Variants in LRFN5 observed in about 807,000 individuals in gnomAD.
The protein encoded by LRFN5 is leucine-rich repeat and fibronectin type-III domain-containing protein 5.
Under a neutral mutation model 45.6 loss-of-function variants are expected in LRFN5, and 24 were observed. The observed-to-expected ratio is 0.53, with a 90% CI of 0.38 to 0.74. The LOEUF (loss-of-function observed/expected upper bound fraction) is 0.74, where lower values mean the gene tolerates loss of function less well. LRFN5 is among the 30% of genes least tolerant of loss of function. LRFN5 has a pLI of 0.00. For missense variants in LRFN5, 776 were observed against 861.5 expected (o/e 0.90, Z 1.24); for synonymous variants, 340 against 313.8 (o/e 1.08, Z -0.88).
At chr14:41,818,383 TG>T (rs1887992522) in intron 2 of LRFN5, among the ~76,000 whole-genome samples, 2 of 152,044 alleles carry the variant, frequency 1.3e-5, no homozygotes, top group South Asian at 4.1e-4. Flanking sequence ...TGGCTTTTAA[TG>T]GGGGACTAAA....
chr14:41,826,504 A>G (rs1888300277), intron 2 of LRFN5, among the ~76,000 whole-genome samples: 1 of 152,138 alleles, frequency 6.6e-6, no homozygotes. Context: ...TACCATAACT[A>G]TCTCAGCTGT....
At chr14:41,884,671 A>G (rs1566503621) in intron 2 of LRFN5, among the ~76,000 whole-genome samples, 1 of 152,054 alleles carries the variant, frequency 6.6e-6, no homozygotes, top group Non-Finnish European at 1.5e-5. Context: ...CCCTCCCCTT[A>G]ACGATCTCCA....
At chr14:41,685,280 C>G (rs1329068547) in intron 1 of LRFN5, among the ~76,000 whole-genome samples, 1 of 152,106 alleles carries the variant, frequency 6.6e-6, no homozygotes, top group African/African-American at 2.4e-5. Flanking sequence ...TATTATCTGG[C>G]AATCTCATTG....
chr14:41,849,494 T>C (rs1025402591), intron 2 of LRFN5, among the ~76,000 whole-genome samples: 1 of 151,706 alleles, frequency 6.6e-6, no homozygotes, highest in Non-Finnish European at 1.5e-5. Context: ...CAGACTGCAC[T>C]GCAATTACTG....
rs942617889 is a variant in LRFN5, at chr14:41,757,918, G to C, written c.-196-8936G>C. ...TGGCTCCAGAAGAATGTCATTTTTGGTACCCATATAGAGTGAGCTATCAGA... is the reference window on the plus strand; with the variant it reads ...TGGCTCCAGAAGAATGTCATTTTTGCTACCCATATAGAGTGAGCTATCAGA... On this transcript the variant is annotated intron_variant, in intron 1 of 5. Transcript: ENST00000298119. Among the ~76,000 whole-genome samples, 4 of 151,982 alleles carry C rather than the reference G, an allele frequency of 2.6e-5. No homozygotes were observed. In the East Asian group the frequency reaches 7.8e-4, roughly 29 times the overall value.
At chr14:41,840,443 C>T (rs1260768615) in intron 2 of LRFN5, among the ~76,000 whole-genome samples, 1 of 151,966 alleles carries the variant, frequency 6.6e-6, no homozygotes, top group African/African-American at 2.4e-5. Context: ...GGAATGACTT[C>T]TGTTATTATT....
chr14:41,857,758 C>G (rs1026646849), intron 2 of LRFN5, among the ~76,000 whole-genome samples: 3 of 152,080 alleles, frequency 2.0e-5, no homozygotes, highest in Non-Finnish European at 4.4e-5. Flanking sequence ...CTAGAAGTCT[C>G]AAAAAATGTT....
intron 5 of LRFN5, among the ~76,000 whole-genome samples, chr14:41,901,940 T>C (rs980074048): frequency 3.3e-5 from 5 of 152,042 alleles, no homozygotes; most frequent in African/African-American, 1.2e-4. Flanking sequence ...AATTAAAGCA[T>C]GTTTTTAACA....
At chr14:41,892,134 G>A (rs1890808096) in intron 4 of LRFN5, 172 bp downstream of exon 4, 1 of 985,242 alleles carries the variant, frequency 1.0e-6, no homozygotes, top group South Asian at 4.7e-5. Flanking sequence ...TGTTCTGATG[G>A]TCATAGTGGA....
At chr14:41,862,692 T>C (rs1397942402) in intron 2 of LRFN5, among the ~76,000 whole-genome samples, 1 of 152,146 alleles carries the variant, frequency 6.6e-6, no homozygotes, top group African/African-American at 2.4e-5. Context: ...TATCTATAAT[T>C]GACAACTTTA....
intron 1 of LRFN5, among the ~76,000 whole-genome samples, chr14:41,663,590 T>C (rs1398102646): frequency 6.6e-6 from 1 of 152,006 alleles, no homozygotes; most frequent in African/African-American, 2.4e-5. Flanking sequence ...GGAATCTCAT[T>C]TTCCTCCGTG....
intron 3 of LRFN5, among the ~76,000 whole-genome samples, chr14:41,889,023 A>G (rs947187857): frequency 6.7e-6 from 1 of 149,862 alleles, no homozygotes. Context: ...GTGTGTGTAT[A>G]TATACACATG....
At chr14:41,866,921 A>G (rs747204898) in intron 2 of LRFN5, among the ~76,000 whole-genome samples, 10 of 152,160 alleles carry the variant, frequency 6.6e-5, no homozygotes, top group Non-Finnish European at 1.3e-4. Flanking sequence ...ATTATTAGCT[A>G]CATAATATTG....
intron 2 of LRFN5, among the ~76,000 whole-genome samples, chr14:41,820,147 T>C (rs1888064118): frequency 6.6e-6 from 1 of 152,050 alleles, no homozygotes; most frequent in African/African-American, 2.4e-5. Context: ...ATTTTTGTTT[T>C]TGTTGCATTT....
intron 1 of LRFN5, among the ~76,000 whole-genome samples, chr14:41,756,381 C>G (rs553733333): frequency 6.6e-6 from 1 of 152,216 alleles, no homozygotes; most frequent in Non-Finnish European, 1.5e-5. Flanking sequence ...GTTCCATTCT[C>G]CCCGTCATTT....
intron 1 of LRFN5, among the ~76,000 whole-genome samples, chr14:41,731,109 C>T (rs1884156460): frequency 6.6e-6 from 1 of 151,998 alleles, no homozygotes; most frequent in Admixed American, 6.6e-5. Context: ...ATGACAACAA[C>T]AATAAAAAAG....
At chr14:41,668,401 C>A (rs1226573569) in intron 1 of LRFN5, among the ~76,000 whole-genome samples, 1 of 151,818 alleles carries the variant, frequency 6.6e-6, no homozygotes, top group Non-Finnish European at 1.5e-5. Context: ...AATTTTTATC[C>A]CAAGCTCCCT....
intron 1 of LRFN5, among the ~76,000 whole-genome samples, chr14:41,718,650 AAT>A (rs1341969424): frequency 6.6e-6 from 1 of 152,160 alleles, no homozygotes; most frequent in Non-Finnish European, 1.5e-5. Flanking sequence ...AGTTCCCTCA[AAT>A]ACATCTCACG....
At chr14:41,690,180 A>C (rs1425805993) in intron 1 of LRFN5, among the ~76,000 whole-genome samples, 1 of 152,000 alleles carries the variant, frequency 6.6e-6, no homozygotes, top group Non-Finnish European at 1.5e-5. Flanking sequence ...CTTCATAACC[A>C]AGTCCTATTC....
Sources: gnomAD v4.1 joint callset for allele counts (sites outside exome capture counted in the v4.1 genomes callset) on GRCh38, gnomAD v4.1.1 for gene constraint, MANE v1.5 for transcripts, NCBI Gene and HGNC (gene_info 2026-07-23, HGNC 2026-07-21) for gene names.